Variants in GRM7 observed in about 807,000 individuals in gnomAD.
The protein encoded by GRM7 is metabotropic glutamate receptor 7.
A neutral mutation model predicts 84.5 loss-of-function variants in GRM7; 35 were observed. That is an observed-to-expected ratio of 0.41 (90% CI 0.32 to 0.55). The LOEUF is 0.55. GRM7 is among the 20% of genes least tolerant of loss of function. The probability of loss-of-function intolerance (pLI) is 0.19; values close to 1 mark genes in which losing one functional copy is unlikely to be tolerated. For missense variants in GRM7, 1,003 were observed against 1,194.6 expected (o/e 0.84, Z 2.36); for synonymous variants, 487 against 455.1 (o/e 1.07, Z -0.89).
rs1419879671 is a variant in GRM7, at chr3:6,862,999, T to C, written c.519+1092T>C. On this transcript the variant is annotated intron_variant, in intron 1 of 9. Coordinates refer to ENST00000357716, the MANE Select transcript of GRM7 (RefSeq NM_000844.4). The surrounding 1 kb of genome is among the most constrained non-coding windows in gnomAD (Gnocchi z 5.2). ...CTGCCCCATGGCTCCTGAGCTGCAC[T>C]GGGTAGGAATGAGTGGCTTTGGGGT... 1 of 456,356 alleles carries C rather than the reference T, an allele frequency of 2.2e-6. No homozygotes were observed. The highest frequency in any genetic ancestry group is 4.4e-6 in the Non-Finnish European group (1 of 226,846). The allele number at this position is 456,356 out of a possible 1,614,324, so 28.3% of individuals were successfully genotyped here. A position where few individuals can be genotyped will look rare whatever the true frequency, so the allele number is the denominator to read the frequency against.
chr3:6,885,013 T>C lies in GRM7; in HGVS notation c.519+23106T>C, dbSNP rs143231446. The stretch of plus-strand genomic sequence containing the variant: ...ACTCCACATATATACATTATTTCTA[T>C]CCCTGGAAAATTTGCATTAATGAAA... On this transcript the variant is annotated intron_variant, in intron 1 of 9. Transcript: ENST00000357716. Among the ~76,000 whole-genome samples the C allele has an allele frequency of 5.1e-3, 777 of 152,300 alleles. 9 individuals are homozygous for C. Among genetic ancestry groups the C allele is most frequent in the African/African-American group, 0.018 (753 of 41,548 alleles).
intron 4 of GRM7, among the ~76,000 whole-genome samples, chr3:7,314,145 A>G (rs1700501152): frequency 6.6e-6 from 1 of 152,166 alleles, no homozygotes; most frequent in Non-Finnish European, 1.5e-5. Flanking sequence ...CTTTAAAATC[A>G]TTTAATACCT....
chr3:7,651,904 C>T (rs188602168), intron 8 of GRM7, among the ~76,000 whole-genome samples: 1 of 152,204 alleles, frequency 6.6e-6, no homozygotes, highest in Non-Finnish European at 1.5e-5. Flanking sequence ...TGCACACATA[C>T]AGCTCAAGCT....
At chr3:7,094,124 T>C (rs1468718763) in intron 1 of GRM7, among the ~76,000 whole-genome samples, 1 of 152,104 alleles carries the variant, frequency 6.6e-6, no homozygotes, top group East Asian at 1.9e-4. Context: ...TCCTTTGTTC[T>C]CAAAGAGTTT....
At chr3:7,291,105 C>A (rs1699604460) in intron 2 of GRM7, among the ~76,000 whole-genome samples, 1 of 151,842 alleles carries the variant, frequency 6.6e-6, no homozygotes, top group Admixed American at 6.6e-5. Context: ...AGCAGTGATT[C>A]CTTGGGACTC....
intron 2 of GRM7, among the ~76,000 whole-genome samples, chr3:7,268,051 A>C (rs1698712087): frequency 6.6e-6 from 1 of 152,170 alleles, no homozygotes; most frequent in Non-Finnish European, 1.5e-5. Context: ...CAATGCCCTC[A>C]GCACTCATTT....
At chr3:7,133,719 A>G (rs1213518496) in intron 1 of GRM7, among the ~76,000 whole-genome samples, 1 of 152,154 alleles carries the variant, frequency 6.6e-6, no homozygotes, top group East Asian at 1.9e-4. Context: ...TACTCTGTTT[A>G]GTTTTTGTCT....
chr3:7,588,338 G>A (rs185907808), intron 8 of GRM7, among the ~76,000 whole-genome samples: 152 of 152,300 alleles, frequency 1.0e-3, no homozygotes, highest in African/African-American at 3.6e-3. Context: ...TGCATCTTCA[G>A]ATGGCTCAGC....
intron 1 of GRM7, among the ~76,000 whole-genome samples, chr3:7,125,892 A>G (rs1693382858): frequency 6.6e-6 from 1 of 152,108 alleles, no homozygotes; most frequent in South Asian, 2.1e-4. Context: ...CTGAGTGTCT[A>G]TTTTGAGGGT....
Position 7,576,055 on chromosome 3 carries a change from C to T in GRM7, c.1516-2367C>T, listed in dbSNP as rs76112482. On this transcript the variant is annotated intron_variant, in intron 7 of 9. Transcript: ENST00000357716. ...AGTAGCCACTAATGTTGAAATCAAG[C>T]GAATGTATTTATTTTTGTTGTTGTT... Among the ~76,000 whole-genome samples, 17 of 152,256 alleles carry T rather than the reference C, an allele frequency of 1.1e-4. No homozygotes were observed. In the East Asian group the frequency reaches 2.3e-3, roughly 21 times the overall value.
chr3:7,357,851 C>A (rs1413523244), intron 4 of GRM7, among the ~76,000 whole-genome samples: 1 of 151,744 alleles, frequency 6.6e-6, no homozygotes, highest in Non-Finnish European at 1.5e-5. Context: ...AAAGACTGAC[C>A]AAGAAGATTG....
intron 1 of GRM7, among the ~76,000 whole-genome samples, chr3:6,977,612 A>G (rs1017678323): frequency 6.6e-6 from 1 of 152,172 alleles, no homozygotes; most frequent in Admixed American, 6.6e-5. Flanking sequence ...TAAGTCTCCA[A>G]TCAGAAATAT....
At chr3:7,328,249 T>C (rs1312243282) in intron 4 of GRM7, among the ~76,000 whole-genome samples, 2 of 152,242 alleles carry the variant, frequency 1.3e-5, no homozygotes, top group Non-Finnish European at 2.9e-5. Flanking sequence ...TTGTGTCCTA[T>C]ACCATTTGAT....
chr3:6,923,071 C>T (rs922157467), intron 1 of GRM7, among the ~76,000 whole-genome samples: 2 of 152,000 alleles, frequency 1.3e-5, no homozygotes, highest in Non-Finnish European at 2.9e-5. Flanking sequence ...CTGGAGTACA[C>T]TTGCGGAATC....
intron 7 of GRM7, among the ~76,000 whole-genome samples, chr3:7,478,841 T>C (rs905758616): frequency 1.3e-5 from 2 of 152,166 alleles, no homozygotes; most frequent in East Asian, 1.9e-4. Flanking sequence ...CACCTGCACA[T>C]CTTTGACGGG....
chr3:7,550,556 T>C (rs1693406276), intron 7 of GRM7, among the ~76,000 whole-genome samples: 1 of 61,392 alleles, frequency 1.6e-5, no homozygotes, highest in African/African-American at 1.0e-4. Context: ...CTTCTCTCTC[T>C]CTCTCTCTCT....
chr3:6,949,657 A>T (rs1039855791), intron 1 of GRM7, among the ~76,000 whole-genome samples: 7 of 151,890 alleles, frequency 4.6e-5, no homozygotes, highest in Admixed American at 3.9e-4. Flanking sequence ...GTGTTTTCCA[A>T]CTTGGTTCCA....
At chr3:7,120,553 CT>C (rs1398361182) in intron 1 of GRM7, among the ~76,000 whole-genome samples, 1 of 152,132 alleles carries the variant, frequency 6.6e-6, no homozygotes, top group Non-Finnish European at 1.5e-5. Context: ...TAATAATCAG[CT>C]CCATGAGCAA....
chr3:7,602,742 A>G (rs560479186), intron 8 of GRM7, among the ~76,000 whole-genome samples: 72 of 152,324 alleles, frequency 4.7e-4, no homozygotes, highest in Middle Eastern at 3.4e-3. Flanking sequence ...TTTGGAAGTT[A>G]GAATTCTCTA....
Sources: gnomAD v4.1 joint callset for allele counts (sites outside exome capture counted in the v4.1 genomes callset) on GRCh38, gnomAD v4.1.1 for gene constraint, Gnocchi (gnomAD v3.1) non-coding constraint, MANE v1.5 for transcripts, NCBI Gene and HGNC (gene_info 2026-07-23, HGNC 2026-07-21) for gene names.